RAB3C: variants seen among roughly 807,000 people sequenced by gnomAD.
The protein encoded by RAB3C is ras-related protein Rab-3C.
In RAB3C, 17 loss-of-function variants were observed where a neutral mutation model predicts 26.4. The observed-to-expected ratio is 0.64, with a 90% CI of 0.44 to 0.97. The LOEUF (loss-of-function observed/expected upper bound fraction) is 0.97, where lower values mean the gene tolerates loss of function less well. Ranked by LOEUF, RAB3C falls within the 50% of genes least tolerant of loss-of-function variation. The probability of loss-of-function intolerance (pLI) is 0.00; values close to 1 mark genes in which losing one functional copy is unlikely to be tolerated. For synonymous variants in RAB3C, 91 were observed against 95.9 expected (o/e 0.95, Z 0.30); for missense variants, 242 against 281.9 (o/e 0.86, Z 1.01).
intron 3 of RAB3C, among the ~76,000 whole-genome samples, chr5:58,738,523 G>A (rs1401038248): frequency 1.4e-5 from 2 of 146,306 alleles, no homozygotes; most frequent in Non-Finnish European, 3.0e-5. Context: ...AATAGAGAGA[G>A]ACACTTGTCC....
intron 1 of RAB3C, among the ~76,000 whole-genome samples, chr5:58,587,314 G>T (rs1579800230): frequency 1.3e-5 from 2 of 152,210 alleles, no homozygotes; most frequent in East Asian, 3.9e-4. Context: ...AGGTTTTCTT[G>T]AAACTACTCT....
intron 2 of RAB3C, among the ~76,000 whole-genome samples, chr5:58,654,795 C>T (rs1163301048): frequency 1.3e-5 from 2 of 152,116 alleles, no homozygotes; most frequent in Non-Finnish European, 2.9e-5. Flanking sequence ...AGTGATGATT[C>T]AGACTCATTT....
chr5:58,614,938 G>A (rs1054696370), intron 1 of RAB3C, among the ~76,000 whole-genome samples: 1 of 151,926 alleles, frequency 6.6e-6, no homozygotes. Flanking sequence ...CATTGTGTTA[G>A]GTATTATAAA....
At chr5:58,850,832 G>T in intron 4 of RAB3C, among the ~76,000 whole-genome samples, 1 of 152,224 alleles carries the variant, frequency 6.6e-6, no homozygotes, top group Non-Finnish European at 1.5e-5. Flanking sequence ...TTGGTATTGA[G>T]GATTCTTACT....
intron 3 of RAB3C, 39 bp downstream of exon 3, chr5:58,726,159 G>T: frequency 1.9e-6 from 2 of 1,049,220 alleles, no homozygotes; most frequent in South Asian, 2.9e-5. Context: ...GATAATGATG[G>T]TTCTCCGGTC....
intron 3 of RAB3C, among the ~76,000 whole-genome samples, chr5:58,745,224 C>T (rs954444293): frequency 5.9e-5 from 9 of 151,490 alleles, no homozygotes; most frequent in Non-Finnish European, 1.2e-4. Flanking sequence ...GGTGAAACCC[C>T]ATCTCTACTA....
intron 2 of RAB3C, among the ~76,000 whole-genome samples, chr5:58,705,313 G>A (rs369531631): frequency 4.6e-5 from 7 of 152,212 alleles, no homozygotes; most frequent in African/African-American, 1.4e-4. Context: ...TCTCACAAGC[G>A]AATTCCATTG....
chr5:58,678,604 A>G (rs1443672117), intron 2 of RAB3C, among the ~76,000 whole-genome samples: 1 of 152,246 alleles, frequency 6.6e-6, no homozygotes, highest in Non-Finnish European at 1.5e-5. Context: ...AAGTATTAAT[A>G]TGCTAGCTTT....
intron 2 of RAB3C, among the ~76,000 whole-genome samples, chr5:58,722,814 C>A (rs560435034): frequency 1.3e-5 from 2 of 151,822 alleles, no homozygotes; most frequent in Admixed American, 6.6e-5. Flanking sequence ...ATGAGATACA[C>A]TTTACGACAT....
At chr5:58,664,421 A>C (rs80146210) in intron 2 of RAB3C, among the ~76,000 whole-genome samples, 2,980 of 152,250 alleles carry the variant, frequency 0.02, 34 homozygotes, top group Non-Finnish European at 0.032. Flanking sequence ...GAAATGGTAA[A>C]ATTATAGAAA....
At chr5:58,608,736 C>T (rs1171342808) in intron 1 of RAB3C, among the ~76,000 whole-genome samples, 2 of 152,152 alleles carry the variant, frequency 1.3e-5, no homozygotes, top group East Asian at 3.9e-4. Context: ...GACACATGCA[C>T]ATGTATATTT....
At position 58,827,895 on chromosome 5, in the gene RAB3C, T is replaced by G. The variant is rs193200144; in HGVS notation, c.496+2733T>G. 3.7e-4 allele frequency among the ~76,000 whole-genome samples: 57 copies of G among 152,372 alleles called. 1 individual carries two copies. The highest frequency in any genetic ancestry group is 1.3e-3 in the African/African-American group (56 of 41,588). On this transcript the variant is annotated intron_variant, in intron 4 of 4. Transcript: ENST00000282878. ...GTCTTTGCTTTGTTTTTTAATTACT[T>G]GTACATTTTATTCTTCAGAATACCA...
At chr5:58,775,830 T>C (rs1348818504) in intron 3 of RAB3C, among the ~76,000 whole-genome samples, 3 of 152,156 alleles carry the variant, frequency 2.0e-5, no homozygotes, top group Admixed American at 2.0e-4. Context: ...GGTCTGGTGC[T>C]CTGTAAATGC....
chr5:58,616,713 T>C (rs545388496), intron 1 of RAB3C, among the ~76,000 whole-genome samples: 1 of 152,298 alleles, frequency 6.6e-6, no homozygotes, highest in South Asian at 2.1e-4. Context: ...GGCAGGAAAC[T>C]GCAGCACACC....
chr5:58,711,534 G>A (rs564571990), intron 2 of RAB3C, among the ~76,000 whole-genome samples: 1 of 152,248 alleles, frequency 6.6e-6, no homozygotes, highest in East Asian at 1.9e-4. Context: ...TAACTCCAAA[G>A]CCCTTTCTTT....
At chr5:58,726,420 G>A (rs949730798) in intron 3 of RAB3C, among the ~76,000 whole-genome samples, 33 of 151,926 alleles carry the variant, frequency 2.2e-4, no homozygotes, top group South Asian at 6.2e-4. Flanking sequence ...TATAAATAAC[G>A]AATGGTTTGG....
chr5:58,675,615 C>CT (rs1195191076), intron 2 of RAB3C, among the ~76,000 whole-genome samples: 6,028 of 89,030 alleles, frequency 0.068, 151 homozygotes, highest in African/African-American at 0.11. Flanking sequence ...GGCCATTTGT[C>CT]TTTTTTTTTT....
intron 4 of RAB3C, among the ~76,000 whole-genome samples, chr5:58,844,871 G>A (rs868059946): frequency 5.9e-5 from 9 of 152,098 alleles, no homozygotes; most frequent in East Asian, 1.9e-4. Context: ...TGCCCCAAGC[G>A]ATGTTTCCCT....
At chr5:58,634,760 C>T (rs1483700601) in intron 2 of RAB3C, among the ~76,000 whole-genome samples, 1 of 152,128 alleles carries the variant, frequency 6.6e-6, no homozygotes, top group Non-Finnish European at 1.5e-5. Context: ...GTGCAAGATG[C>T]CTCCCAAATA....
Sources: gnomAD v4.1 joint callset for allele counts (sites outside exome capture counted in the v4.1 genomes callset) on GRCh38, gnomAD v4.1.1 for gene constraint, MANE v1.5 for transcripts, NCBI Gene and HGNC (gene_info 2026-07-23, HGNC 2026-07-21) for gene names.